MANBA: variants seen among roughly 807,000 people sequenced by gnomAD.
MANBA encodes the protein mannosidase beta.
MANBA carries 83 observed loss-of-function variants against 111.1 expected under a neutral mutation model. That is an observed-to-expected ratio of 0.75 (90% CI 0.63 to 0.90). The LOEUF is 0.90. Among genes scored for constraint, MANBA ranks in the 40% least tolerant of loss-of-function variants. The pLI, the probability that MANBA is intolerant of heterozygous loss-of-function variation, is 0.00. For synonymous variants in MANBA, 370 were observed against 378.7 expected, an observed-to-expected ratio of 0.98 and a Z score of 0.27; for missense variants, 1,036 against 1,069.0, an observed-to-expected ratio of 0.97 and a Z score of 0.43.
chr4:102,717,531 C>T (rs531280094), intron 4 of MANBA, among the ~76,000 whole-genome samples: 1 of 151,866 alleles, frequency 6.6e-6, no homozygotes, highest in Non-Finnish European at 1.5e-5. Flanking sequence ...CCCACCTCAG[C>T]CTCCTGAGTG....
intron 1 of MANBA, chr4:102,754,030 C>T: frequency 3.2e-6 from 1 of 313,492 alleles, no homozygotes; most frequent in Non-Finnish European, 6.3e-6. Context: ...AAAAAAAAAT[C>T]ACCATTAAAG....
intron 5 of MANBA, among the ~76,000 whole-genome samples, chr4:102,710,645 C>T (rs190754671): frequency 2.2e-4 from 33 of 151,978 alleles, no homozygotes; most frequent in Admixed American, 1.9e-3. Context: ...TCACTTTGTA[C>T]AGAAATAGAA....
Position 102,723,050 on chromosome 4 carries a change from A to C in MANBA, c.379-9T>G. 19 of 1,612,286 alleles carry C rather than the reference A, an allele frequency of 1.2e-5. No individual in the cohort carries two copies. Among genetic ancestry groups the C allele is most frequent in the Non-Finnish European group, 1.6e-5 (19 of 1,178,720 alleles). ...TTGGTAATATCAAAGCTCTAAGTTA[A>C]AGGGAACAATCAGACAAACCCATGA... is the stretch of plus-strand genomic sequence containing the variant. On this transcript the variant is annotated splice_polypyrimidine_tract_variant and intron_variant, in intron 3 of 16. Coordinates refer to ENST00000647097, the MANE Select transcript of MANBA (RefSeq NM_005908.4).
At chr4:102,667,066 A>C (rs1049257973) in intron 10 of MANBA, 5 of 152,194 alleles carry the variant, frequency 3.3e-5, no homozygotes, top group Admixed American at 6.5e-5. Flanking sequence ...ATTGAATCTC[A>C]AATTGTCCCC....
At chr4:102,709,378 G>T (rs1721942721) in intron 5 of MANBA, among the ~76,000 whole-genome samples, 3 of 129,718 alleles carry the variant, frequency 2.3e-5, no homozygotes, top group East Asian at 2.1e-4. Context: ...AAGAAAGGAA[G>T]GAAGGAAGAA....
chr4:102,680,773 T>C (rs759149632), intron 7 of MANBA, among the ~76,000 whole-genome samples: 3 of 152,212 alleles, frequency 2.0e-5, no homozygotes, highest in African/African-American at 4.8e-5. Flanking sequence ...GTTTATGAAA[T>C]AATAATCCCA....
In MANBA at chr4:102,689,600, CT is replaced by C. The variant is rs1391517411; in HGVS notation, c.933del (p.Gly312AlafsTer2). 3 of 1,605,666 alleles carry C rather than the reference CT, an allele frequency of 1.9e-6. No homozygotes were observed. The highest frequency in any genetic ancestry group is 2.6e-6 in the Non-Finnish European group (3 of 1,173,658). On this transcript the variant is annotated frameshift_variant, in exon 7 of 17. Transcript: ENST00000647097. LOFTEE classifies it high-confidence loss of function. ...TTAGCTGATTTTTCAATATTTAAGC[CT>C]CCATCCAGTTCAAAAAGAACAGTCA... The part of the protein sequence containing the change: ...YNMTVLFELD[G>X]GLNIEKSAKV...
intron 1 of MANBA, among the ~76,000 whole-genome samples, chr4:102,740,114 G>A (rs149122204): frequency 0.011 from 1,725 of 152,256 alleles, 39 homozygotes; most frequent in African/African-American, 0.039. Context: ...CCAAATCAAC[G>A]TACACAAATC....
At chr4:102,653,098 A>G (rs982119840) in intron 12 of MANBA, among the ~76,000 whole-genome samples, 12 of 152,268 alleles carry the variant, frequency 7.9e-5, no homozygotes, top group African/African-American at 2.9e-4. Flanking sequence ...AATGGTCTAT[A>G]CTAAAGGTAA....
At chr4:102,697,857 C>A (rs1358627127) in intron 5 of MANBA, among the ~76,000 whole-genome samples, 5 of 152,142 alleles carry the variant, frequency 3.3e-5, no homozygotes, top group Middle Eastern at 3.4e-3. Context: ...ATTTATAGTC[C>A]TTTGGATATA....
At chr4:102,653,481 A>G (rs1730432574) in intron 12 of MANBA, among the ~76,000 whole-genome samples, 1 of 152,220 alleles carries the variant, frequency 6.6e-6, no homozygotes, top group Non-Finnish European at 1.5e-5. Flanking sequence ...TCCCAAATTA[A>G]AGAGATATGT....
At chr4:102,651,371 A>T (rs1730326446) in intron 12 of MANBA, among the ~76,000 whole-genome samples, 1 of 152,224 alleles carries the variant, frequency 6.6e-6, no homozygotes, top group Admixed American at 6.6e-5. Context: ...AACTTACAGG[A>T]TCTTTCTTTT....
chr4:102,702,009 G>A (rs1733075312), intron 5 of MANBA, among the ~76,000 whole-genome samples: 1 of 152,108 alleles, frequency 6.6e-6, no homozygotes, highest in Non-Finnish European at 1.5e-5. Flanking sequence ...GTCAGACGTA[G>A]ATTTGGTCTT....
At chr4:102,711,025 A>G (rs529136493) in intron 5 of MANBA, among the ~76,000 whole-genome samples, 8 of 152,272 alleles carry the variant, frequency 5.3e-5, no homozygotes, top group South Asian at 4.1e-4. Flanking sequence ...AGAAGAAAAC[A>G]TACGAGAAGC....
At chr4:102,724,134 T>TA (rs1260987621) in intron 2 of MANBA, among the ~76,000 whole-genome samples, 167 bp from the exon 3 acceptor site, 3 of 152,240 alleles carry the variant, frequency 2.0e-5, no homozygotes, top group African/African-American at 4.8e-5. Flanking sequence ...AAAACATACT[T>TA]ACGTCCTTTG....
At chr4:102,684,421 A>G (rs1387740377) in intron 7 of MANBA, among the ~76,000 whole-genome samples, 1 of 152,152 alleles carries the variant, frequency 6.6e-6, no homozygotes, top group Non-Finnish European at 1.5e-5. Context: ...AGCTGAACTC[A>G]TGCATCCTCC....
In MANBA at chr4:102,695,443, A is replaced by C. The variant is rs1169879816; in HGVS notation, c.674-4672T>G. 2.6e-5 allele frequency among the ~76,000 whole-genome samples: 4 copies of C among 152,316 alleles called. No individual in the cohort carries two copies. In the East Asian group the frequency reaches 7.7e-4, roughly 29 times the overall value. ...AACCTTGCTTTAATTGATTGTAATA[A>C]AGACTCAAGTATCAATGTTTTCATC... is the stretch of plus-strand genomic sequence containing the variant. On this transcript the variant is annotated intron_variant, in intron 5 of 16. Transcript: ENST00000647097.
intron 4 of MANBA, among the ~76,000 whole-genome samples, chr4:102,717,481 C>A (rs951117099): frequency 3.8e-4 from 57 of 148,470 alleles, no homozygotes; most frequent in South Asian, 6.4e-4. Context: ...AGTATAGTGA[C>A]ACAATCTTGG....
intron 16 of MANBA, chr4:102,633,608 G>A (rs1010757424): frequency 7.6e-6 from 3 of 394,874 alleles, no homozygotes; most frequent in Admixed American, 8.8e-5. Context: ...TCTTTAAGAA[G>A]GACAAGTCTC....
Sources: allele counts gnomAD v4.1 joint callset (sites outside exome capture counted in the v4.1 genomes callset), GRCh38; gene constraint gnomAD v4.1.1; transcripts MANE v1.5; gene names NCBI Gene and HGNC (gene_info 2026-07-23, HGNC 2026-07-21).